UNC79: variants seen among roughly 807,000 people sequenced by gnomAD.
UNC79 encodes the protein unc-79 subunit of NALCN channel complex.
Under a neutral mutation model 283.1 loss-of-function variants are expected in UNC79, and 37 were observed. The observed-to-expected ratio is 0.13, with a 90% CI of 0.10 to 0.17. UNC79 has a LOEUF of 0.17. Ranked by LOEUF, UNC79 falls within the 10% of genes least tolerant of loss-of-function variation. The probability of loss-of-function intolerance (pLI) is 1.00; values close to 1 mark genes in which losing one functional copy is unlikely to be tolerated. For synonymous variants in UNC79, 1,107 were observed against 1,200.2 expected, an observed-to-expected ratio of 0.92 and a Z score of 1.61; for missense variants, 2,272 against 3,211.1, an observed-to-expected ratio of 0.71 and a Z score of 7.07.
intron 14 of UNC79, among the ~76,000 whole-genome samples, chr14:93,568,448 T>G (rs868412643): frequency 4.3e-4 from 66 of 152,120 alleles, no homozygotes; most frequent in Middle Eastern, 3.4e-3. Flanking sequence ...CCGAGGAGCA[T>G]GGATCACCTG....
Position 93,497,306 on chromosome 14 carries a change from G to C in UNC79, c.898+20G>C. The C allele has an allele frequency of 6.2e-7, 1 of 1,605,826 alleles. No homozygotes were observed. Among genetic ancestry groups the C allele is most frequent in the Non-Finnish European group, 8.5e-7 (1 of 1,178,840 alleles). On this transcript the variant is annotated intron_variant, in intron 7 of 48. Transcript: ENST00000555664. ...ACACAGGTAAGAGGAGAGGAGCCCT[G>C]TGATGCCCCATCTGTATTTCTCCTG...
chr14:93,481,683 T>A (rs1401494175), intron 4 of UNC79, among the ~76,000 whole-genome samples: 1 of 152,156 alleles, frequency 6.6e-6, no homozygotes, highest in Non-Finnish European at 1.5e-5. Flanking sequence ...CATTTTTTGT[T>A]CTATTCCTAC....
chr14:93,371,597 T>G (rs918040412), intron 1 of UNC79, among the ~76,000 whole-genome samples: 1 of 151,956 alleles, frequency 6.6e-6, no homozygotes, highest in Non-Finnish European at 1.5e-5. Context: ...TCCCAGCACT[T>G]TGGGAGGCCG....
chr14:93,477,913 G>A (rs1378055272), intron 4 of UNC79, among the ~76,000 whole-genome samples, 185 bp downstream of exon 4: 1 of 152,152 alleles, frequency 6.6e-6, no homozygotes, highest in Non-Finnish European at 1.5e-5. Flanking sequence ...AATGAAAGGC[G>A]TTAGGGCTTA....
chr14:93,366,858 C>T (rs1243561101), intron 1 of UNC79, among the ~76,000 whole-genome samples: 1 of 152,098 alleles, frequency 6.6e-6, no homozygotes, highest in Non-Finnish European at 1.5e-5. Context: ...TAGGTGTGAG[C>T]CACCGTGCCC....
At chr14:93,372,646 A>C (rs922922421) in intron 1 of UNC79, among the ~76,000 whole-genome samples, 15 of 152,238 alleles carry the variant, frequency 9.9e-5, no homozygotes, top group Non-Finnish European at 2.1e-4. Context: ...AGCACCTAAC[A>C]ACAAAGGATC....
At chr14:93,376,338 A>G (rs1292569097) in intron 1 of UNC79, among the ~76,000 whole-genome samples, 2 of 152,228 alleles carry the variant, frequency 1.3e-5, no homozygotes, top group Non-Finnish European at 2.9e-5. Flanking sequence ...GTGTGGTGAT[A>G]TAAAATCTTT....
intron 7 of UNC79, among the ~76,000 whole-genome samples, chr14:93,512,398 C>T (rs1187424546): frequency 2.2e-5 from 3 of 135,014 alleles, no homozygotes; most frequent in Admixed American, 2.2e-4. Flanking sequence ...TTGGGGTTTG[C>T]TGAGCTTCTC....
intron 12 of UNC79, among the ~76,000 whole-genome samples, 170 bp downstream of exon 12, chr14:93,538,388 A>G (rs1437995649): frequency 6.6e-6 from 1 of 152,208 alleles, no homozygotes; most frequent in East Asian, 1.9e-4. Flanking sequence ...TTCAATGAAT[A>G]TTTTTACGGA....
Position 93,390,707 on chromosome 14 carries a change from C to A in UNC79, c.-351+57184C>A, listed in dbSNP as rs117345613. 5.8e-3 allele frequency among the ~76,000 whole-genome samples: 883 copies of A among 152,188 alleles called. 18 individuals carry two copies. The highest frequency in any genetic ancestry group is 0.041 in the East Asian group (212 of 5,176). On this transcript the variant is annotated intron_variant, in intron 1 of 49. Coordinates refer to the UNC79 transcript ENST00000256339. ...ATGAAATATAAAAAGCAACCATTTA[C>A]AGTGGCATCAAAAATTTTGAGTATT...
intron 1 of UNC79, among the ~76,000 whole-genome samples, chr14:93,434,246 A>AAGC (rs909217562): frequency 3.3e-5 from 5 of 152,082 alleles, no homozygotes; most frequent in African/African-American, 1.2e-4. Context: ...GAAAAAAAAG[A>AAGC]AGCAGCAGCA....
At chr14:93,554,954 G>A (rs1475415767) in intron 14 of UNC79, among the ~76,000 whole-genome samples, 2 of 152,158 alleles carry the variant, frequency 1.3e-5, no homozygotes, top group Non-Finnish European at 2.9e-5. Flanking sequence ...CTCTTTTCCA[G>A]TATAGCTAGG....
intron 1 of UNC79, among the ~76,000 whole-genome samples, chr14:93,451,814 G>C (rs538019108): frequency 2.2e-4 from 34 of 152,098 alleles, no homozygotes; most frequent in Non-Finnish European, 4.7e-4. Context: ...GAATCAGTTG[G>C]TTCTTAGCAC....
intron 1 of UNC79, chr14:93,347,496 G>T: frequency 1.6e-6 from 2 of 1,279,916 alleles, no homozygotes; most frequent in South Asian, 1.8e-5. Context: ...CAGGCCTCGC[G>T]TGGGAGGCTC....
chr14:93,665,779 A>G (rs981467213), intron 40 of UNC79, among the ~76,000 whole-genome samples: 6 of 152,092 alleles, frequency 3.9e-5, no homozygotes, highest in African/African-American at 1.4e-4. Context: ...CTACCAGCTA[A>G]GCTATCCTTC....
At chr14:93,445,810 G>A (rs565372963) in intron 1 of UNC79, among the ~76,000 whole-genome samples, 3 of 151,958 alleles carry the variant, frequency 2.0e-5, no homozygotes, top group African/African-American at 7.2e-5. Context: ...CACAATTTTT[G>A]TTTGCTTTAA....
At chr14:93,626,926 G>C (rs1311351267) in intron 30 of UNC79, among the ~76,000 whole-genome samples, 1 of 152,142 alleles carries the variant, frequency 6.6e-6, no homozygotes, top group Admixed American at 6.5e-5. Flanking sequence ...GCACACACCT[G>C]TAGTCCCAGC....
chr14:93,451,164 C>A (rs1289145754), intron 1 of UNC79, among the ~76,000 whole-genome samples: 1 of 151,148 alleles, frequency 6.6e-6, no homozygotes, highest in Admixed American at 6.6e-5. Flanking sequence ...CAGACTCTTT[C>A]TCTCCAAGTT....
chr14:93,365,430 A>G (rs1364626814), intron 1 of UNC79, among the ~76,000 whole-genome samples: 2 of 151,302 alleles, frequency 1.3e-5, no homozygotes, highest in Non-Finnish European at 2.9e-5. Flanking sequence ...AAATTTCACC[A>G]AATACTTGAG....
Sources: gnomAD v4.1 joint callset for allele counts (sites outside exome capture counted in the v4.1 genomes callset) on GRCh38, gnomAD v4.1.1 for gene constraint, MANE v1.5 for transcripts, NCBI Gene and HGNC (gene_info 2026-07-23, HGNC 2026-07-21) for gene names.